The following GIMAP7 variants were observed in gnomAD, a reference collection of about 807,000 sequenced individuals.
GIMAP7 encodes GTPase, IMAP family member 7.
For missense variants in GIMAP7, 323 were observed against 359.7 expected (o/e 0.90, Z 0.83); for synonymous variants, 137 against 129.3 (o/e 1.06, Z -0.40).
Position 150,520,909 on chromosome 7 carries a change from T to A in GIMAP7, c.*32T>A. The stretch of plus-strand genomic sequence containing the variant: ...GTGATTTGTTAATGGATGAATTGTA[T>A]TTTGCAAAGATAGTTAGAGAAATAC... On this transcript the variant is annotated 3_prime_UTR_variant, in exon 2 of 2. Transcript: ENST00000313543. 1 of 1,217,684 alleles carries A rather than the reference T, an allele frequency of 8.2e-7. No homozygotes were observed. The highest frequency in any genetic ancestry group is 1.1e-6 in the Non-Finnish European group (1 of 903,312). The allele number at this position is 1,217,684 out of a possible 1,614,324, so 75.4% of individuals were successfully genotyped here. A position where few individuals can be genotyped will look rare whatever the true frequency, so the allele number is the denominator to read the frequency against.
At chr7:150,518,170 T>A (rs1214820103) in intron 1 of GIMAP7, among the ~76,000 whole-genome samples, 1 of 152,218 alleles carries the variant, frequency 6.6e-6, no homozygotes, top group Non-Finnish European at 1.5e-5. Flanking sequence ...TTCCTTTCTG[T>A]ATTTTTGTCA....
intron 1 of GIMAP7, among the ~76,000 whole-genome samples, chr7:150,516,592 G>T (rs1259617632): frequency 6.6e-6 from 1 of 152,168 alleles, no homozygotes; most frequent in Non-Finnish European, 1.5e-5. Flanking sequence ...TTTTAAAATT[G>T]TTTGAGGTAG....
Position 150,521,048 on chromosome 7 carries a change from T to C in GIMAP7, c.*171T>C, listed in dbSNP as rs1012916557. Reference sequence around the variant, plus strand: ...TATATATACACACATTGTGAAATAATGAAATAAAGGTAATTAACACATCTA... The same window carrying C: ...TATATATACACACATTGTGAAATAACGAAATAAAGGTAATTAACACATCTA... On this transcript the variant is annotated 3_prime_UTR_variant, in exon 2 of 2. Coordinates refer to ENST00000313543, the MANE Select transcript of GIMAP7 (RefSeq NM_153236.4). 2.6e-5 allele frequency: 6 copies of C among 232,472 alleles called. No individual in the cohort carries two copies. Among genetic ancestry groups the C allele is most frequent in the African/African-American group, 1.5e-4 (6 of 39,744 alleles). 14.4% of individuals were successfully genotyped at this position (232,472 alleles called of 1,614,324 possible). A position where few individuals can be genotyped will look rare whatever the true frequency, so the allele number is the denominator to read the frequency against.
chr7:150,521,010 T>TTAAATATA lies in GIMAP7; in HGVS notation c.*136_*143dup, dbSNP rs1204952660. 2 of 249,756 alleles carry TTAAATATA rather than the reference T, an allele frequency of 8.0e-6. No homozygotes were observed. Among genetic ancestry groups the TTAAATATA allele is most frequent in the African/African-American group, 1.2e-4 (2 of 16,486 alleles). 15.5% of individuals were successfully genotyped at this position (249,756 alleles called of 1,614,324 possible). A position where few individuals can be genotyped will look rare whatever the true frequency, so the allele number is the denominator to read the frequency against. On this transcript the variant is annotated 3_prime_UTR_variant, in exon 2 of 2. Transcript: ENST00000313543. ...ATGTTTAATGTATATAATGTGATTT[T>TTAAATATA]TAAATATATATATATATATACACAC...
At chr7:150,519,045 T>A (rs1290923896) in intron 1 of GIMAP7, among the ~76,000 whole-genome samples, 1 of 152,166 alleles carries the variant, frequency 6.6e-6, no homozygotes, top group African/African-American at 2.4e-5. Flanking sequence ...AATGGCCTAT[T>A]TGTGAATTCT....
chr7:150,515,691 T>A (rs1795128445), intron 1 of GIMAP7, among the ~76,000 whole-genome samples: 1 of 152,116 alleles, frequency 6.6e-6, no homozygotes, highest in African/African-American at 2.4e-5. Context: ...AGCCTTTCTC[T>A]TAGCTGGAGG....
At chr7:150,519,796 T>C in intron 1 of GIMAP7, 138 bp from the exon 2 acceptor site, 1 of 585,200 alleles carries the variant, frequency 1.7e-6, no homozygotes, top group East Asian at 2.8e-5. Context: ...GACTATTTCA[T>C]TTCTGTCTTT....
chr7:150,519,893 A>G, intron 1 of GIMAP7, 41 bp from the exon 2 acceptor site: 4 of 1,265,818 alleles, frequency 3.2e-6, no homozygotes, highest in Non-Finnish European at 3.3e-6. Context: ...GATCTCACTT[A>G]CTAAAACTGG....
chr7:150,518,816 A>G (rs1306189869), intron 1 of GIMAP7, among the ~76,000 whole-genome samples: 1 of 151,930 alleles, frequency 6.6e-6, no homozygotes, highest in African/African-American at 2.4e-5. Flanking sequence ...TTTATATGGG[A>G]TAGTTTTTGC....
At chr7:150,518,934 C>T (rs889283215) in intron 1 of GIMAP7, among the ~76,000 whole-genome samples, 2 of 151,702 alleles carry the variant, frequency 1.3e-5, no homozygotes, top group African/African-American at 4.9e-5. Flanking sequence ...TTCAGTGTTG[C>T]TAATAAAAGT....
Position 150,520,251 on chromosome 7 carries a change from C to A in GIMAP7, c.277C>A (p.His93Asn). Residue 93 changes from histidine (H) to asparagine (N), a missense_variant, in exon 2 of 2, where the codon CAT becomes AAT. By Grantham distance (68) the His-to-Asn change is moderately conservative. Transcript: ENST00000313543. ...RCIISSCPGP[H>N]AIVLVLLLGR... ...CATCATCTCCTCCTGCCCAGGGCCC[C>A]ATGCTATTGTCCTAGTTCTGCTGCT... 6.2e-7 allele frequency: 1 copy of A among 1,614,162 alleles called. No homozygotes were observed. Among genetic ancestry groups the A allele is most frequent in the Non-Finnish European group, 8.5e-7 (1 of 1,180,026 alleles).
In GIMAP7 at chr7:150,521,029, T is replaced by TATATATATATATAC. The variant is rs369111955; in HGVS notation, c.*153_*154insTATATATATATACA. 1,107 of 241,156 alleles carry TATATATATATATAC rather than the reference T, an allele frequency of 4.6e-3. 8 individuals carry two copies. The highest frequency in any genetic ancestry group is 0.023 in the African/African-American group (962 of 41,754). The allele number at this position is 241,156 out of a possible 1,614,324, so 14.9% of individuals were successfully genotyped here. A position where few individuals can be genotyped will look rare whatever the true frequency, so the allele number is the denominator to read the frequency against. Reference sequence around the variant, plus strand: ...TGATTTTTAAATATATATATATATATACACACATTGTGAAATAATGAAATA... The same window carrying TATATATATATATAC: ...TGATTTTTAAATATATATATATATATATATATATATATACACACACATTGTGAAATAATGAAATA... On this transcript the variant is annotated 3_prime_UTR_variant, in exon 2 of 2. Coordinates refer to ENST00000313543, the MANE Select transcript of GIMAP7 (RefSeq NM_153236.4).
At chr7:150,517,775 A>C (rs1795149669) in intron 1 of GIMAP7, among the ~76,000 whole-genome samples, 1 of 152,112 alleles carries the variant, frequency 6.6e-6, no homozygotes, top group Admixed American at 6.5e-5. Context: ...AACTATTTAA[A>C]TGTTCTCAAG....
At chr7:150,518,374 A>G (rs1211084779) in intron 1 of GIMAP7, among the ~76,000 whole-genome samples, 1 of 152,146 alleles carries the variant, frequency 6.6e-6, no homozygotes, top group African/African-American at 2.4e-5. Context: ...GATTTTTGCC[A>G]TACCTATAGT....
In GIMAP7 at chr7:150,520,008, G is replaced by T. The variant is rs748612836; in HGVS notation, c.34G>T (p.Val12Phe). The change falls in exon 2 of 2, where the codon GTT becomes TTT. Residue 12 changes from valine (V) to phenylalanine (F), a missense_variant. Physicochemically the swap from Val to Phe is conservative, Grantham distance 50. Coordinates refer to ENST00000313543, the MANE Select transcript of GIMAP7 (RefSeq NM_153236.4). ...GAGTGAGGACCGCTCCCTGAGGATCGTTCTGGTAGGGAAAACTGGAAGTGG... is the reference window on the plus strand; with the variant it reads ...GAGTGAGGACCGCTCCCTGAGGATCTTTCTGGTAGGGAAAACTGGAAGTGG... Reference protein sequence around the residue: ...AESEDRSLRIVLVGKTGSGKS... With the variant: ...AESEDRSLRIFLVGKTGSGKS... The T allele has an allele frequency of 1.2e-6, 2 of 1,614,048 alleles. No individual in the cohort carries two copies. Among genetic ancestry groups the T allele is most frequent in the African/African-American group, 2.7e-5 (2 of 74,918 alleles).
In GIMAP7 at chr7:150,520,222, G is replaced by T. The variant is rs770198027; in HGVS notation, c.248G>T (p.Arg83Leu). ...SLDTTCKEISRCIISSCPGPH... is the reference protein window; with the variant it reads ...SLDTTCKEISLCIISSCPGPH... ...GACACCACCTGCAAGGAAATCAGCCGCTGCATCATCTCCTCCTGCCCAGGG... is the reference window on the plus strand; with the variant it reads ...GACACCACCTGCAAGGAAATCAGCCTCTGCATCATCTCCTCCTGCCCAGGG... The change falls in exon 2 of 2, where the codon CGC becomes CTC. Residue 83 changes from arginine to leucine, a missense_variant. Transcript: ENST00000313543. 1.9e-6 allele frequency: 3 copies of T among 1,614,150 alleles called. No homozygotes were observed. Among genetic ancestry groups the T allele is most frequent in the South Asian group, 1.1e-5 (1 of 91,074 alleles).
intron 1 of GIMAP7, among the ~76,000 whole-genome samples, chr7:150,515,900 T>A (rs1385033320): frequency 2.0e-5 from 3 of 152,112 alleles, no homozygotes; most frequent in African/African-American, 4.8e-5. Context: ...AAAGCGTGGA[T>A]CATCTCCTTT....
chr7:150,520,490 A>G lies in GIMAP7; in HGVS notation c.516A>G (p.Lys172=), dbSNP rs910145240. Residue 172 remains lysine (K), a synonymous_variant, in exon 2 of 2, where the codon AAA becomes AAG. Transcript: ENST00000313543. ...GCTGTGCCTTTAGCAACAGCAAGAA[A>G]ACCAGTAAGGCAGAGAAGGAAAGTC... ...NRCCAFSNSK[K]TSKAEKESQV... The G allele has an allele frequency of 1.1e-5, 18 of 1,614,090 alleles. No individual in the cohort carries two copies. In the Admixed American group the frequency reaches 2.3e-4, roughly 21 times the overall value.
intron 1 of GIMAP7, 40 bp from the exon 2 acceptor site, chr7:150,519,894 C>G (rs1795169081): frequency 4.6e-6 from 6 of 1,314,370 alleles, no homozygotes; most frequent in Non-Finnish European, 6.3e-6. Context: ...ATCTCACTTA[C>G]TAAAACTGGC....
Sources: gnomAD v4.1 joint callset for allele counts (sites outside exome capture counted in the v4.1 genomes callset) on GRCh38, gnomAD v4.1.1 for gene constraint, MANE v1.5 for transcripts, NCBI Gene and HGNC (gene_info 2026-07-23, HGNC 2026-07-21) for gene names.